The following NAALADL2 variants were observed in gnomAD, a reference collection of about 807,000 sequenced individuals.
NAALADL2 encodes the protein N-acetylated alpha-linked acidic dipeptidase like 2.
In NAALADL2, 76 loss-of-function variants were observed where a neutral mutation model predicts 87.2. The observed-to-expected ratio is 0.87, with a 90% confidence interval of 0.72 to 1.05. The LOEUF is 1.05. Ranked by LOEUF, NAALADL2 falls within the 50% of genes least tolerant of loss-of-function variation. The probability of loss-of-function intolerance (pLI) is 0.00; values close to 1 mark genes in which losing one functional copy is unlikely to be tolerated. For missense variants in NAALADL2, 1,089 were observed against 945.8 expected (o/e 1.15, Z -1.99); for synonymous variants, 354 against 331.0 (o/e 1.07, Z -0.75).
chr3:175,000,100 A>G (rs1290189302), intron 1 of NAALADL2, among the ~76,000 whole-genome samples: 2 of 152,332 alleles, frequency 1.3e-5, no homozygotes, highest in Non-Finnish European at 2.9e-5. Flanking sequence ...AACTTCAGCT[A>G]GTAGCTCAGT....
chr3:175,597,691 C>A (rs943127489), intron 10 of NAALADL2, among the ~76,000 whole-genome samples: 4 of 151,922 alleles, frequency 2.6e-5, no homozygotes, highest in African/African-American at 4.8e-5. Context: ...CTACTAAATG[C>A]CACTATAGTT....
intron 2 of NAALADL2, among the ~76,000 whole-genome samples, chr3:175,107,770 A>T (rs888902257): frequency 1.9e-4 from 27 of 140,896 alleles, no homozygotes; most frequent in African/African-American, 6.2e-4. Flanking sequence ...GATTTTTTTT[A>T]ATGTGGTAAT....
intron 2 of NAALADL2, among the ~76,000 whole-genome samples, chr3:174,627,119 A>G (rs1342177627): frequency 6.6e-6 from 1 of 152,142 alleles, no homozygotes; most frequent in Non-Finnish European, 1.5e-5. Flanking sequence ...TGTGCAAATT[A>G]TTAAGTATGA....
chr3:175,764,630 C>T (rs553062744), intron 13 of NAALADL2, among the ~76,000 whole-genome samples: 12 of 147,120 alleles, frequency 8.2e-5, no homozygotes, highest in Non-Finnish European at 1.4e-4. Context: ...ATAAAGAAAG[C>T]AATCCACTAA....
chr3:175,353,359 CAT>C (rs1410316172), intron 5 of NAALADL2, among the ~76,000 whole-genome samples: 2 of 152,076 alleles, frequency 1.3e-5, no homozygotes, highest in African/African-American at 4.8e-5. Flanking sequence ...ACAAATAAAA[CAT>C]ATAATATTAG....
At chr3:175,520,010 T>C (rs1439603243) in intron 9 of NAALADL2, among the ~76,000 whole-genome samples, 1 of 152,178 alleles carries the variant, frequency 6.6e-6, no homozygotes, top group Non-Finnish European at 1.5e-5. Context: ...GACTTATCTG[T>C]GGGTTTTAAT....
intron 3 of NAALADL2, among the ~76,000 whole-genome samples, chr3:174,749,856 G>A (rs1179298132): frequency 6.6e-6 from 1 of 152,116 alleles, no homozygotes; most frequent in Non-Finnish European, 1.5e-5. Flanking sequence ...AGTGCACTAA[G>A]TTGATCAAAC....
chr3:175,522,862 A>G (rs1732841874), intron 9 of NAALADL2, among the ~76,000 whole-genome samples: 1 of 152,214 alleles, frequency 6.6e-6, no homozygotes, highest in African/African-American at 2.4e-5. Flanking sequence ...TCTATCAACA[A>G]TATTCAATTT....
chr3:175,159,771 C>T (rs1328733935), intron 2 of NAALADL2, among the ~76,000 whole-genome samples: 2 of 151,544 alleles, frequency 1.3e-5, no homozygotes, highest in East Asian at 3.9e-4. Flanking sequence ...CAAATGATTT[C>T]CTTCCTTCCC....
At chr3:174,659,356 T>C (rs373484344) in intron 2 of NAALADL2, among the ~76,000 whole-genome samples, 3 of 152,314 alleles carry the variant, frequency 2.0e-5, no homozygotes, top group African/African-American at 7.2e-5. Context: ...ATATTAGAAA[T>C]GTCTCAATGT....
At chr3:175,178,545 G>T (rs542972383) in intron 2 of NAALADL2, among the ~76,000 whole-genome samples, 2 of 152,108 alleles carry the variant, frequency 1.3e-5, no homozygotes, top group East Asian at 3.9e-4. Context: ...AGACAGCCAG[G>T]ACACTCACAA....
chr3:174,790,827 A>C (rs1366264142), intron 3 of NAALADL2, among the ~76,000 whole-genome samples: 1 of 152,142 alleles, frequency 6.6e-6, no homozygotes, highest in Admixed American at 6.6e-5. Context: ...TTTAAAACCA[A>C]GATTATATTG....
intron 1 of NAALADL2, among the ~76,000 whole-genome samples, chr3:174,910,958 T>C (rs1053965024): frequency 4.6e-5 from 7 of 152,104 alleles, no homozygotes; most frequent in Non-Finnish European, 8.8e-5. Flanking sequence ...CTCTGGAATA[T>C]GAGCTTCCAG....
rs182603627 is a variant in NAALADL2 at position 175,627,277 on chromosome 3, T to A, written c.1801-14T>A. The A allele has an allele frequency of 6.5e-6, 10 of 1,540,338 alleles. No individual in the cohort carries two copies. In the East Asian group the frequency reaches 2.4e-4, roughly 37 times the overall value. On this transcript the variant is annotated splice_polypyrimidine_tract_variant and intron_variant, in intron 10 of 13. Coordinates refer to ENST00000454872, the MANE Select transcript of NAALADL2 (RefSeq NM_207015.3). ...ATAAAGAGTTTTAAATGTTTCTTTT[T>A]TGATTTGCCGCAGGGTCCAAGTTTT...
intron 9 of NAALADL2, among the ~76,000 whole-genome samples, chr3:175,534,726 G>C (rs962982179): frequency 2.0e-5 from 3 of 150,806 alleles, no homozygotes; most frequent in African/African-American, 7.3e-5. Flanking sequence ...GAGGCCTATT[G>C]ACTCAGTAGT....
chr3:175,466,216 C>T (rs1328212534), intron 7 of NAALADL2, among the ~76,000 whole-genome samples: 1 of 152,100 alleles, frequency 6.6e-6, no homozygotes, highest in East Asian at 1.9e-4. Context: ...AAGATACTTG[C>T]TCAGATAAAT....
chr3:174,515,074 G>A (rs761688557), intron 1 of NAALADL2, among the ~76,000 whole-genome samples: 1 of 152,228 alleles, frequency 6.6e-6, no homozygotes, highest in East Asian at 1.9e-4. Context: ...AGCAATTATA[G>A]TGAAGCAATA....
chr3:175,193,365 C>T (rs1219486591), intron 2 of NAALADL2, among the ~76,000 whole-genome samples: 1 of 151,694 alleles, frequency 6.6e-6, no homozygotes, highest in Non-Finnish European at 1.5e-5. Flanking sequence ...AAGGAGAACA[C>T]AACTATTCCT....
chr3:175,570,841 C>T (rs1245129757), intron 9 of NAALADL2, among the ~76,000 whole-genome samples: 1 of 144,582 alleles, frequency 6.9e-6, no homozygotes, highest in Non-Finnish European at 1.5e-5. Flanking sequence ...TATCGTGCCA[C>T]TGCACTCCAG....
Sources: gnomAD v4.1 joint callset for allele counts (sites outside exome capture counted in the v4.1 genomes callset) on GRCh38, gnomAD v4.1.1 for gene constraint, MANE v1.5 for transcripts, NCBI Gene and HGNC (gene_info 2026-07-23, HGNC 2026-07-21) for gene names.